CCNH: variants seen among roughly 807,000 people sequenced by gnomAD.
CCNH encodes cyclin-H.
Under a neutral mutation model 41.9 loss-of-function variants are expected in CCNH, and 31 were observed. The observed-to-expected ratio is 0.74, with a 90% CI of 0.56 to 1.00. CCNH has a LOEUF of 1.00. CCNH is among the 50% of genes least tolerant of loss of function. The probability of loss-of-function intolerance (pLI) is 0.00; values close to 1 mark genes in which losing one functional copy is unlikely to be tolerated. For missense variants in CCNH, 362 were observed against 388.4 expected (o/e 0.93, Z 0.57); for synonymous variants, 138 against 136.1 (o/e 1.01, Z -0.10).
At chr5:87,371,526 T>C (rs1760938376), downstream of CCNH, among the ~76,000 whole-genome samples, 1 of 152,190 alleles carries the variant, frequency 6.6e-6, no homozygotes. Flanking sequence ...AAAATATGGC[T>C]GCAATTTGAT....
At chr5:87,340,530 C>T (rs573143509) in intron 9 of CCNH, among the ~76,000 whole-genome samples, 1 of 151,952 alleles carries the variant, frequency 6.6e-6, no homozygotes, top group South Asian at 2.1e-4. Flanking sequence ...AGTAAATCCA[C>T]ATGTAGTTAG....
At chr5:87,389,309 CA>C, downstream of CCNH, 1 of 1,544,606 alleles carries the variant, frequency 6.5e-7, no homozygotes. Context: ...TCAGCCTGGG[CA>C]ACAAGAGCGA....
At chr5:87,313,546 A>G (rs573108144), downstream of CCNH, among the ~76,000 whole-genome samples, 1 of 152,234 alleles carries the variant, frequency 6.6e-6, no homozygotes, top group Non-Finnish European at 1.5e-5. Flanking sequence ...CCCACCTGCC[A>G]GTGTCTACTG....
chr5:87,357,091 A>G (rs890234827), intron 9 of CCNH, among the ~76,000 whole-genome samples: 2 of 152,044 alleles, frequency 1.3e-5, no homozygotes, highest in African/African-American at 4.8e-5. Context: ...GCTCCTTCCT[A>G]TCACCATGTC....
chr5:87,332,567 C>A (rs1180493926), intron 9 of CCNH: 7 of 1,607,236 alleles, frequency 4.4e-6, no homozygotes, highest in Non-Finnish European at 6.0e-6. Context: ...CACTGTCAGA[C>A]CTAATAGGTT....
chr5:87,331,154 A>G, intron 9 of CCNH: 1 of 877,570 alleles, frequency 1.1e-6, no homozygotes, highest in East Asian at 2.5e-5. Flanking sequence ...GAACAAATTA[A>G]AGACCAAGTA....
At chr5:87,390,876 T>C (rs750934301), downstream of CCNH, 1 of 1,610,560 alleles carries the variant, frequency 6.2e-7, no homozygotes, top group Non-Finnish European at 8.5e-7. Flanking sequence ...ACCAATGATG[T>C]CAGGTAGCAG....
chr5:87,356,869 A>G (rs902896430), intron 9 of CCNH, among the ~76,000 whole-genome samples: 1 of 152,006 alleles, frequency 6.6e-6, no homozygotes, highest in Admixed American at 6.5e-5. Context: ...GTATGCCTAT[A>G]TTTTCCTTCA....
chr5:87,377,604 C>A (rs1246904890), upstream of CCNH, among the ~76,000 whole-genome samples: 1 of 152,090 alleles, frequency 6.6e-6, no homozygotes, highest in African/African-American at 2.4e-5. Context: ...TCCCAAAGTG[C>A]CGGGGTTACA....
chr5:87,362,865 T>C (rs1278652915), intron 9 of CCNH, among the ~76,000 whole-genome samples: 1 of 151,834 alleles, frequency 6.6e-6, no homozygotes, highest in Non-Finnish European at 1.5e-5. Flanking sequence ...TCAACCAGAA[T>C]GTTTCTTCTA....
intron 9 of CCNH, among the ~76,000 whole-genome samples, chr5:87,323,700 C>T (rs1348733246): frequency 2.0e-5 from 3 of 151,342 alleles, no homozygotes; most frequent in African/African-American, 7.3e-5. Context: ...GGCTATATAT[C>T]TTTTGATAAG....
At chr5:87,394,201 CA>C (rs1762735006), downstream of CCNH, 1 of 1,118,046 alleles carries the variant, frequency 8.9e-7, no homozygotes, top group Non-Finnish European at 1.1e-6. Context: ...AAAAATTAGG[CA>C]AATGAGTTGC....
At position 87,369,010 on chromosome 5, in the gene CCNH, A is replaced by G. The variant is rs1760732021; in HGVS notation, c.*90+23760T>C. On this transcript the variant is annotated intron_variant and NMD_transcript_variant, in intron 9 of 9. Transcript: ENST00000645953. ...ATGATTACTTTTAAGACATTCTCAA[A>G]GCATGAAAATATAGTCTTTATCTTT... Among the ~76,000 whole-genome samples, 2 of 152,198 alleles carry G rather than the reference A, an allele frequency of 1.3e-5. 1 individual carries two copies. Among genetic ancestry groups the G allele is most frequent in the South Asian group, 4.1e-4 (2 of 4,832 alleles).
At chr5:87,372,286 C>A (rs1278046361), downstream of CCNH, 3 of 1,199,924 alleles carry the variant, frequency 2.5e-6, no homozygotes, top group Non-Finnish European at 2.4e-6. Flanking sequence ...CTGTTTTGGA[C>A]ATCATATGGG....
At chr5:87,336,956 C>A (rs1489683711) in intron 9 of CCNH, among the ~76,000 whole-genome samples, 1 of 151,886 alleles carries the variant, frequency 6.6e-6, no homozygotes, top group Admixed American at 6.6e-5. Context: ...GTCCAAGATA[C>A]AATGAAGCTT....
At chr5:87,329,729 T>C (rs1392195047) in intron 9 of CCNH, among the ~76,000 whole-genome samples, 2 of 152,206 alleles carry the variant, frequency 1.3e-5, no homozygotes, top group African/African-American at 4.8e-5. Flanking sequence ...AAATCTGCTC[T>C]CTGGGATAGT....
chr5:87,379,045 C>T (rs1364536369), upstream of CCNH, among the ~76,000 whole-genome samples: 2 of 152,282 alleles, frequency 1.3e-5, no homozygotes, highest in African/African-American at 2.4e-5. Context: ...CACATATTCT[C>T]TCATTTTAAT....
At chr5:87,400,558 A>G (rs1763326123) in intron 6 of CCNH, among the ~76,000 whole-genome samples, 1 of 152,178 alleles carries the variant, frequency 6.6e-6, no homozygotes, top group Admixed American at 6.5e-5. Flanking sequence ...TTTATAATTC[A>G]TAAATCACAG....
At chr5:87,360,162 T>C (rs1467045239) in intron 9 of CCNH, among the ~76,000 whole-genome samples, 2 of 151,852 alleles carry the variant, frequency 1.3e-5, no homozygotes, top group African/African-American at 4.8e-5. Flanking sequence ...TTCGCTCTTT[T>C]TTGCTCAGGC....
Sources: allele counts gnomAD v4.1 joint callset (sites outside exome capture counted in the v4.1 genomes callset), GRCh38; gene constraint gnomAD v4.1.1; transcripts MANE v1.5; gene names NCBI Gene and HGNC (gene_info 2026-07-23, HGNC 2026-07-21).